Variants in CCDC146 observed in about 807,000 individuals in gnomAD.
CCDC146 encodes coiled-coil domain containing 146.
A neutral mutation model predicts 119.3 loss-of-function variants in CCDC146; 92 were observed. The ratio of observed to expected loss-of-function variants is 0.77; its 90% CI spans 0.65 to 0.92. The LOEUF (loss-of-function observed/expected upper bound fraction) is 0.92. Ranked by LOEUF, CCDC146 falls within the 40% of genes least tolerant of loss-of-function variation. CCDC146 has a pLI of 0.00. For synonymous variants in CCDC146, 372 were observed against 371.8 expected, an observed-to-expected ratio of 1.00 and a Z score of -0.01; for missense variants, 1,000 against 1,103.0, an observed-to-expected ratio of 0.91 and a Z score of 1.32.
intron 2 of CCDC146, chr7:77,199,457 C>G (rs770972258): frequency 6.2e-7 from 1 of 1,613,966 alleles, no homozygotes; most frequent in African/African-American, 1.3e-5. Context: ...AACAACAGTC[C>G]GTTTCTGCCT....
intron 2 of CCDC146, chr7:77,198,807 A>G (rs1326142520): frequency 4.0e-6 from 1 of 248,110 alleles, no homozygotes; most frequent in African/African-American, 2.2e-5. Flanking sequence ...CTGATTTCCA[A>G]CAAACAAGGC....
chr7:77,209,039 A>C (rs1792130107), intron 2 of CCDC146, among the ~76,000 whole-genome samples: 2 of 152,046 alleles, frequency 1.3e-5, no homozygotes, highest in Non-Finnish European at 2.9e-5. Flanking sequence ...CCCCTCCCAA[A>C]TCTCATGTCT....
At chr7:77,257,371 A>G (rs1276509262) in intron 6 of CCDC146, 3 of 152,108 alleles carry the variant, frequency 2.0e-5, no homozygotes, top group Non-Finnish European at 2.9e-5. Flanking sequence ...AACATCTGAA[A>G]CTCATTGGCT....
intron 2 of CCDC146, among the ~76,000 whole-genome samples, chr7:77,215,272 C>A (rs1792283276): frequency 6.6e-6 from 1 of 151,136 alleles, no homozygotes; most frequent in Non-Finnish European, 1.5e-5. Context: ...TAGCTCATTG[C>A]CAGTCCTCCT....
intron 1 of CCDC146, among the ~76,000 whole-genome samples, chr7:77,145,317 T>A (rs894048109): frequency 2.6e-5 from 4 of 151,850 alleles, no homozygotes; most frequent in Admixed American, 1.3e-4. Context: ...TTTTCTTCTT[T>A]ATTAGTCTTG....
At chr7:77,159,614 C>T (rs527398819) in intron 1 of CCDC146, among the ~76,000 whole-genome samples, 3 of 152,232 alleles carry the variant, frequency 2.0e-5, no homozygotes, top group South Asian at 2.1e-4. Flanking sequence ...AATATCGCTT[C>T]GAGATCCTGA....
In CCDC146 at chr7:77,196,499, G is replaced by A. The variant is rs751515083; in HGVS notation, c.156+28675G>A. 1.2e-6 allele frequency: 2 copies of A among 1,614,130 alleles called. No homozygotes were observed. The highest frequency in any genetic ancestry group is 1.7e-5 in the Admixed American group (1 of 60,020). On this transcript the variant is annotated intron_variant, in intron 2 of 18. Coordinates refer to ENST00000285871, the MANE Select transcript of CCDC146 (RefSeq NM_020879.3). This position sits in a 1 kb window ranked among gnomAD's most constrained non-coding sequence, Gnocchi z 4.2. The stretch of plus-strand genomic sequence containing the variant: ...GTAGTACAGCCCACAGTTCCCAGAA[G>A]GATATCGATCATTGTCTTTATCTGG...
At chr7:77,180,628 G>A (rs1791572325) in intron 2 of CCDC146, among the ~76,000 whole-genome samples, 2 of 152,126 alleles carry the variant, frequency 1.3e-5, no homozygotes, top group Admixed American at 1.3e-4. Flanking sequence ...ATTCTAGGAG[G>A]CAGAGGTTGC....
chr7:77,280,152 T>A (rs1292988429), intron 13 of CCDC146, among the ~76,000 whole-genome samples: 1 of 152,102 alleles, frequency 6.6e-6, no homozygotes, highest in Non-Finnish European at 1.5e-5. Context: ...AATAAATGAA[T>A]GACTGCAGTC....
intron 9 of CCDC146, among the ~76,000 whole-genome samples, chr7:77,267,801 A>G (rs931020471): frequency 3.3e-5 from 5 of 152,160 alleles, no homozygotes; most frequent in African/African-American, 1.2e-4. Flanking sequence ...TATCAGTTCA[A>G]TCCCAAATTC....
chr7:77,130,228 C>T (rs1049332409), intron 1 of CCDC146, among the ~76,000 whole-genome samples: 20 of 152,022 alleles, frequency 1.3e-4, no homozygotes, highest in Non-Finnish European at 2.5e-4. Context: ...AGCCACAGTG[C>T]CTGTATAGGA....
At chr7:77,276,898 CCAT>C (rs1793656381) in intron 11 of CCDC146, among the ~76,000 whole-genome samples, 1 of 152,068 alleles carries the variant, frequency 6.6e-6, no homozygotes, top group African/African-American at 2.4e-5. Flanking sequence ...TGGTGAAAGC[CCAT>C]CTCTACTAAA....
At chr7:77,246,650 T>C (rs1467150711) in intron 4 of CCDC146, among the ~76,000 whole-genome samples, 2 of 152,204 alleles carry the variant, frequency 1.3e-5, no homozygotes, top group African/African-American at 4.8e-5. Context: ...GATATTGATA[T>C]TTATGAAAGT....
intron 6 of CCDC146, 36 bp from the exon 7 acceptor site, chr7:77,258,959 A>T (rs576599462): frequency 5.0e-6 from 7 of 1,410,008 alleles, no homozygotes; most frequent in African/African-American, 1.4e-5. Flanking sequence ...CTAGCCGAAG[A>T]CCGCATAATT....
chr7:77,174,675 C>T (rs1357100991), intron 2 of CCDC146, among the ~76,000 whole-genome samples: 1 of 152,186 alleles, frequency 6.6e-6, no homozygotes, highest in Non-Finnish European at 1.5e-5. Context: ...AGCTAGTCCT[C>T]AATTTGGTGT....
At chr7:77,141,926 T>C (rs4504566) in intron 1 of CCDC146, among the ~76,000 whole-genome samples, 92,301 of 151,920 alleles carry the variant, frequency 0.61, 28,441 homozygotes, top group African/African-American at 0.67. Context: ...TAATTAGATC[T>C]CATTTGTCAA....
At chr7:77,270,648 A>G (rs1327331429) in intron 9 of CCDC146, among the ~76,000 whole-genome samples, 2 of 152,308 alleles carry the variant, frequency 1.3e-5, no homozygotes, top group African/African-American at 2.4e-5. Flanking sequence ...TTTGGCCTCA[A>G]TGAGTAATAG....
rs1203220967 is a variant in CCDC146 at position 77,196,062 on chromosome 7, G to T, written c.156+28238G>T. ...TGTATAATTCTCAATATTGCTAATTGCTTGCAAGTGTTCATTGGATAACAG... is the reference window on the plus strand; with the variant it reads ...TGTATAATTCTCAATATTGCTAATTTCTTGCAAGTGTTCATTGGATAACAG... On this transcript the variant is annotated intron_variant, in intron 2 of 18. Coordinates refer to ENST00000285871, the MANE Select transcript of CCDC146 (RefSeq NM_020879.3). This position sits in a 1 kb window ranked among gnomAD's most constrained non-coding sequence, Gnocchi z 4.2. The T allele has an allele frequency of 2.0e-6, 1 of 494,860 alleles. No individual in the cohort carries two copies. Among genetic ancestry groups the T allele is most frequent in the East Asian group, 3.0e-5 (1 of 32,816 alleles). The allele number at this position is 494,860 out of a possible 1,614,324, so 30.7% of individuals were successfully genotyped here.
chr7:77,156,562 C>A (rs1791181791), intron 1 of CCDC146, among the ~76,000 whole-genome samples: 1 of 151,510 alleles, frequency 6.6e-6, no homozygotes, highest in Non-Finnish European at 1.5e-5. Context: ...ACTATGTACC[C>A]ACAAAAATAA....
Sources: allele counts gnomAD v4.1 joint callset (sites outside exome capture counted in the v4.1 genomes callset), GRCh38; gene constraint gnomAD v4.1.1; non-coding constraint Gnocchi (gnomAD v3.1); transcripts MANE v1.5; gene names NCBI Gene and HGNC (gene_info 2026-07-23, HGNC 2026-07-21).